Variants in UGT1A7 observed in about 807,000 individuals in gnomAD.
UGT1A7 encodes UDP-glucuronosyltransferase 1A7.
Under a neutral mutation model 45.6 loss-of-function variants are expected in UGT1A7, and 33 were observed. That is an observed-to-expected ratio of 0.72 (90% CI 0.55 to 0.97). The LOEUF (loss-of-function observed/expected upper bound fraction) is 0.97. Ranked by LOEUF, UGT1A7 falls within the 50% of genes least tolerant of loss-of-function variation. UGT1A7 has a pLI of 0.00. For missense variants in UGT1A7, 684 were observed against 666.2 expected, an observed-to-expected ratio of 1.03 and a Z score of -0.29; for synonymous variants, 274 against 250.6, an observed-to-expected ratio of 1.09 and a Z score of -0.88.
intron 1 of UGT1A7, among the ~76,000 whole-genome samples, chr2:233,741,259 T>C (rs551312228): frequency 6.6e-6 from 1 of 151,984 alleles, no homozygotes; most frequent in South Asian, 2.1e-4. Flanking sequence ...TGCCACTCTT[T>C]GCTGACCACT....
intron 1 of UGT1A7, chr2:233,718,800 C>T (rs779656703): frequency 5.0e-6 from 8 of 1,613,106 alleles, no homozygotes; most frequent in African/African-American, 4.0e-5. Context: ...GGACAGTCAG[C>T]TGTCGGTGGC....
intron 1 of UGT1A7, among the ~76,000 whole-genome samples, chr2:233,703,726 CT>C (rs958884874): frequency 4.0e-5 from 6 of 151,698 alleles, no homozygotes; most frequent in Admixed American, 1.3e-4. Context: ...TAAATATAAA[CT>C]TTTTTTTGTT....
chr2:233,744,892 C>A (rs28900378), intron 1 of UGT1A7, among the ~76,000 whole-genome samples: 2 of 151,832 alleles, frequency 1.3e-5, no homozygotes, highest in Non-Finnish European at 2.9e-5. Flanking sequence ...ACCCTCCTCT[C>A]CATACCAAAA....
At chr2:233,744,014 C>G (rs1692649024) in intron 1 of UGT1A7, 1 of 1,062,236 alleles carries the variant, frequency 9.4e-7, no homozygotes, top group Non-Finnish European at 1.2e-6. Context: ...CCTGGGCCGC[C>G]TGGAGAGACG....
At chr2:233,743,465 C>A in intron 1 of UGT1A7, 1 of 1,366,596 alleles carries the variant, frequency 7.3e-7, no homozygotes. Flanking sequence ...AAAACACCCC[C>A]AAAAGCTGGA....
chr2:233,697,226 G>C (rs2075381121), intron 1 of UGT1A7, among the ~76,000 whole-genome samples: 1 of 152,028 alleles, frequency 6.6e-6, no homozygotes, highest in Non-Finnish European at 1.5e-5. Flanking sequence ...TCTTTGATGA[G>C]AGACTTTTTA....
At chr2:233,767,540 C>G (rs570115667) in intron 2 of UGT1A7, among the ~76,000 whole-genome samples, 2 of 152,230 alleles carry the variant, frequency 1.3e-5, no homozygotes, top group Non-Finnish European at 2.9e-5. Flanking sequence ...CATTTCTGCT[C>G]TTATAGTTCT....
intron 1 of UGT1A7, among the ~76,000 whole-genome samples, chr2:233,726,758 C>T (rs2125721651): frequency 6.6e-6 from 1 of 152,360 alleles, no homozygotes; most frequent in East Asian, 1.9e-4. Context: ...CTGCCTACCA[C>T]AGACACTAAG....
intron 1 of UGT1A7, chr2:233,748,229 G>A: frequency 1.4e-6 from 2 of 1,404,944 alleles, no homozygotes; most frequent in Non-Finnish European, 1.9e-6. Flanking sequence ...AAACTGTTAA[G>A]GGGTCTCTAG....
intron 1 of UGT1A7, among the ~76,000 whole-genome samples, chr2:233,709,996 T>C (rs1275771651): frequency 1.3e-5 from 2 of 152,236 alleles, no homozygotes; most frequent in Non-Finnish European, 2.9e-5. Context: ...AATGGAATCA[T>C]ACAATTATGA....
At chr2:233,707,056 A>AC (rs1214860717) in intron 1 of UGT1A7, among the ~76,000 whole-genome samples, 2 of 152,112 alleles carry the variant, frequency 1.3e-5, no homozygotes, top group Non-Finnish European at 2.9e-5. Flanking sequence ...GCTCAGGTGG[A>AC]CAGAGTCCCA....
intron 1 of UGT1A7, chr2:233,691,535 G>T: frequency 1.0e-6 from 1 of 985,674 alleles, no homozygotes; most frequent in Non-Finnish European, 1.2e-6. Context: ...CTAGCTCTGG[G>T]CAAGTCTGTT....
intron 1 of UGT1A7, among the ~76,000 whole-genome samples, chr2:233,724,565 G>A (rs1428948283): frequency 3.9e-5 from 5 of 129,268 alleles, no homozygotes; most frequent in Non-Finnish European, 6.5e-5. Context: ...CAGATGGGGC[G>A]GCGGGGCAGA....
intron 1 of UGT1A7, among the ~76,000 whole-genome samples, chr2:233,695,287 A>T (rs775200577): frequency 6.6e-6 from 1 of 151,766 alleles, no homozygotes; most frequent in Non-Finnish European, 1.5e-5. Context: ...CACCATTCCC[A>T]GCTAATTTTT....
chr2:233,697,824 A>G (rs1392359237), intron 1 of UGT1A7, among the ~76,000 whole-genome samples: 2 of 152,174 alleles, frequency 1.3e-5, no homozygotes, highest in East Asian at 3.8e-4. Flanking sequence ...AATTTCAAGA[A>G]AATCTAATTA....
At chr2:233,687,333 A>C (rs956341340) in intron 1 of UGT1A7, among the ~76,000 whole-genome samples, 11 of 152,196 alleles carry the variant, frequency 7.2e-5, no homozygotes, top group Non-Finnish European at 1.5e-4. Context: ...TTTCCCTTGA[A>C]TGATTTAAAC....
rs371916153 is a variant in UGT1A7, at chr2:233,743,676, T to C, written c.856-23358T>C. On this transcript the variant is annotated intron_variant, in intron 1 of 4. Coordinates refer to ENST00000373426, the MANE Select transcript of UGT1A7 (RefSeq NM_019077.3). Reference sequence around the variant, plus strand: ...TACTCGAAGGGGTCCTCGAAGGGCCTGCCGCCTGTGCAGCCGCCCTCCGCC... The same window carrying C: ...TACTCGAAGGGGTCCTCGAAGGGCCCGCCGCCTGTGCAGCCGCCCTCCGCC... 1.7e-5 allele frequency: 23 copies of C among 1,367,108 alleles called. No homozygotes were observed. In the African/African-American group the frequency reaches 3.1e-4, roughly 19 times the overall value. The allele number at this position is 1,367,108 out of a possible 1,614,324, so 84.7% of individuals were successfully genotyped here. A position where few individuals can be genotyped will look rare whatever the true frequency, so the allele number is the denominator to read the frequency against.
intron 1 of UGT1A7, chr2:233,748,060 A>T: frequency 1.9e-6 from 3 of 1,613,406 alleles, no homozygotes; most frequent in Non-Finnish European, 2.5e-6. Flanking sequence ...AACTGTGCCA[A>T]CAGGAAGCCA....
chr2:233,718,719 G>A, intron 1 of UGT1A7: 6 of 1,609,316 alleles, frequency 3.7e-6, no homozygotes, highest in Non-Finnish European at 5.1e-6. Context: ...ATTACATGCT[G>A]ATTTGCTAGG....
Sources: allele counts gnomAD v4.1 joint callset (sites outside exome capture counted in the v4.1 genomes callset), GRCh38; gene constraint gnomAD v4.1.1; transcripts MANE v1.5; gene names NCBI Gene and HGNC (gene_info 2026-07-23, HGNC 2026-07-21).